Variants in ETFA observed in about 807,000 individuals in gnomAD.
The protein encoded by ETFA is electron transfer flavoprotein subunit alpha, also known as electron transfer flavoprotein subunit alpha, mitochondrial.
In ETFA, 22 loss-of-function variants were observed where a neutral mutation model predicts 46.2. The ratio of observed to expected loss-of-function variants is 0.48; its 90% CI spans 0.34 to 0.68. ETFA has a LOEUF of 0.68. Among genes scored for constraint, ETFA ranks in the 30% least tolerant of loss-of-function variants. The pLI, the probability that ETFA is intolerant of heterozygous loss-of-function variation, is 0.01. For missense variants in ETFA, 345 were observed against 401.1 expected (o/e 0.86, Z 1.19); for synonymous variants, 131 against 139.9 (o/e 0.94, Z 0.45).
intron 9 of ETFA, among the ~76,000 whole-genome samples, chr15:76,247,659 T>TGG (rs2039256542): frequency 6.6e-6 from 1 of 152,240 alleles, no homozygotes. Flanking sequence ...TCATGTATCT[T>TGG]TAACATATTT....
At chr15:76,281,778 TAATACCC>T (rs2039654476) in intron 8 of ETFA, among the ~76,000 whole-genome samples, 1 of 151,804 alleles carries the variant, frequency 6.6e-6, no homozygotes, top group Non-Finnish European at 1.5e-5. Context: ...ATTCACATCC[TAATACCC>T]AGAACCTGTG....
intron 9 of ETFA, among the ~76,000 whole-genome samples, chr15:76,234,562 G>A (rs894305449): frequency 4.6e-5 from 7 of 152,130 alleles, no homozygotes; most frequent in African/African-American, 1.2e-4. Context: ...TATACAAGGC[G>A]TGGTGGGGGA....
rs568785097 is a variant in ETFA at position 76,235,105 on chromosome 15, A to G, written c.817-3707T>C. On this transcript the variant is annotated intron_variant, in intron 9 of 11. Coordinates refer to ENST00000557943, the MANE Select transcript of ETFA (RefSeq NM_000126.4). ...CATGGGCCATTCATGTAACCTCTCT[A>G]TGCCTCAGACTGCTCATCCAAAACA... 3.3e-5 allele frequency among the ~76,000 whole-genome samples: 5 copies of G among 152,274 alleles called. No individual in the cohort carries two copies. In the South Asian group the frequency reaches 1.0e-3, roughly 32 times the overall value.
At chr15:76,283,865 C>T in intron 7 of ETFA, 40 bp from the exon 8 acceptor site, 5 of 1,412,908 alleles carry the variant, frequency 3.5e-6, no homozygotes, top group Non-Finnish European at 5.0e-6. Context: ...AGGCAAACAT[C>T]AAATACATTC....
intron 8 of ETFA, among the ~76,000 whole-genome samples, chr15:76,282,309 G>A (rs2039663619): frequency 6.6e-6 from 1 of 152,080 alleles, no homozygotes; most frequent in East Asian, 1.9e-4. Flanking sequence ...CAAGCCCAGG[G>A]ATATCAGAGT....
chr15:76,307,925 G>A (rs2039953676), intron 1 of ETFA, among the ~76,000 whole-genome samples: 1 of 151,904 alleles, frequency 6.6e-6, no homozygotes, highest in Non-Finnish European at 1.5e-5. Flanking sequence ...TGCATTAATG[G>A]TTAGCTACAG....
chr15:76,267,719 T>G (rs1218498240), intron 9 of ETFA, among the ~76,000 whole-genome samples: 2 of 152,176 alleles, frequency 1.3e-5, no homozygotes, highest in Admixed American at 6.5e-5. Flanking sequence ...TTAGCTTTAT[T>G]AACATTAAAG....
intron 9 of ETFA, among the ~76,000 whole-genome samples, chr15:76,255,386 G>A (rs531366900): frequency 1.3e-5 from 2 of 152,268 alleles, no homozygotes; most frequent in South Asian, 4.1e-4. Context: ...AGCTAGAAAA[G>A]AAAAAGTCAC....
At chr15:76,303,686 CATATAAAAAAATGCTCA>C (rs2051534936) in intron 1 of ETFA, among the ~76,000 whole-genome samples, 1 of 152,064 alleles carries the variant, frequency 6.6e-6, no homozygotes, top group Non-Finnish European at 1.5e-5. Flanking sequence ...GGCCAACAAG[CATATAAAAAAATGCTCA>C]ACATTAACTA....
chr15:76,310,369 GAAAAAAAAAAAAA>G (rs34111559), intron 1 of ETFA, among the ~76,000 whole-genome samples: 1 of 104,462 alleles, frequency 9.6e-6, no homozygotes, highest in Non-Finnish European at 1.9e-5. Flanking sequence ...TCCATGCCCA[GAAAAAAAAAAAAA>G]AAAAAAAAAA....
intron 7 of ETFA, chr15:76,284,773 T>C (rs950247264): frequency 4.5e-6 from 1 of 224,556 alleles, no homozygotes; most frequent in Non-Finnish European, 9.1e-6. Flanking sequence ...ATTACAGGTG[T>C]GAGTCACCGC....
chr15:76,231,684 T>G (rs2039067567), intron 9 of ETFA, among the ~76,000 whole-genome samples: 1 of 152,162 alleles, frequency 6.6e-6, no homozygotes, highest in Admixed American at 6.5e-5. Context: ...TTACATCAAG[T>G]GTCTCAATCT....
At chr15:76,237,428 C>CA (rs1396531621) in intron 9 of ETFA, among the ~76,000 whole-genome samples, 3 of 152,128 alleles carry the variant, frequency 2.0e-5, no homozygotes, top group African/African-American at 7.2e-5. Context: ...GCTCAGATCT[C>CA]AACTCAAGAA....
At chr15:76,259,150 T>G in intron 9 of ETFA, 1 of 1,504,436 alleles carries the variant, frequency 6.6e-7, no homozygotes, top group Non-Finnish European at 9.2e-7. Flanking sequence ...ACTGTCCCCA[T>G]GCCACTGCCA....
chr15:76,249,833 T>C (rs1275080358), intron 9 of ETFA, among the ~76,000 whole-genome samples: 1 of 152,152 alleles, frequency 6.6e-6, no homozygotes, highest in African/African-American at 2.4e-5. Context: ...CTACCGCCTA[T>C]CTCAAGAACT....
rs2039431215 is a variant in ETFA at position 76,262,925 on chromosome 15, T to TG, written c.816+11486dup. ...AGAAGACAATGGAACTTAAAAGTGC[T>TG]GGGGGGAACTATACCTGAAATTCTA... is the stretch of plus-strand genomic sequence containing the variant. On this transcript the variant is annotated intron_variant, in intron 9 of 11. Transcript: ENST00000557943. Among the ~76,000 whole-genome samples the TG allele has an allele frequency of 1.3e-5, 2 of 152,156 alleles. 1 individual carries two copies. Among genetic ancestry groups the TG allele is most frequent in the South Asian group, 4.1e-4 (2 of 4,822 alleles).
At chr15:76,285,374 G>A (rs2039695728) in intron 7 of ETFA, among the ~76,000 whole-genome samples, 2 of 152,238 alleles carry the variant, frequency 1.3e-5, no homozygotes, top group Non-Finnish European at 2.9e-5. Flanking sequence ...TCAATAAGAT[G>A]GCACCAAGTG....
chr15:76,261,587 G>C (rs1209978426), intron 9 of ETFA: 1 of 518,298 alleles, frequency 1.9e-6, no homozygotes, highest in Non-Finnish European at 3.5e-6. Context: ...TGCAGCTGCG[G>C]ACTCTGGGAG....
intron 1 of ETFA, among the ~76,000 whole-genome samples, chr15:76,297,188 C>G (rs1458527180): frequency 6.6e-6 from 1 of 152,066 alleles, no homozygotes; most frequent in African/African-American, 2.4e-5. Context: ...AGGACAGTTC[C>G]TGGAATGAAA....
Sources: allele counts gnomAD v4.1 joint callset (sites outside exome capture counted in the v4.1 genomes callset), GRCh38; gene constraint gnomAD v4.1.1; transcripts MANE v1.5; gene names NCBI Gene and HGNC (gene_info 2026-07-23, HGNC 2026-07-21).